The following ADGRG6 variants were observed in gnomAD, a reference collection of about 807,000 sequenced individuals.
ADGRG6 encodes adhesion G protein-coupled receptor G6.
In ADGRG6, 84 loss-of-function variants were observed where a neutral mutation model predicts 142.4. The observed-to-expected ratio is 0.59, with a 90% CI of 0.49 to 0.71. The LOEUF (loss-of-function observed/expected upper bound fraction) is 0.71. Among genes scored for constraint, ADGRG6 ranks in the 30% least tolerant of loss-of-function variants. The pLI is 0.00. For synonymous variants in ADGRG6, 521 were observed against 520.5 expected, an observed-to-expected ratio of 1.00 and a Z score of -0.01; for missense variants, 1,367 against 1,466.6, an observed-to-expected ratio of 0.93 and a Z score of 1.11.
chr6:142,350,857 T>C (rs1300579313), intron 2 of ADGRG6, among the ~76,000 whole-genome samples: 1 of 152,168 alleles, frequency 6.6e-6, no homozygotes, highest in Non-Finnish European at 1.5e-5. Context: ...ACCAACATCA[T>C]TTTTTCACAA....
intron 22 of ADGRG6, 99 bp from the exon 23 acceptor site, chr6:142,437,335 G>T (rs1329611368): frequency 1.6e-6 from 1 of 607,076 alleles, no homozygotes; most frequent in Admixed American, 2.8e-5. Context: ...TGCCTTTGAT[G>T]TAAAAAATTT....
At chr6:142,320,027 T>G (rs1183175112) in intron 2 of ADGRG6, among the ~76,000 whole-genome samples, 2 of 152,110 alleles carry the variant, frequency 1.3e-5, no homozygotes, top group Non-Finnish European at 2.9e-5. Flanking sequence ...ACCAGTTTGT[T>G]CACGTGGAGG....
chr6:142,313,278 A>G (rs2114535661), intron 2 of ADGRG6, among the ~76,000 whole-genome samples: 1 of 152,166 alleles, frequency 6.6e-6, no homozygotes, highest in South Asian at 2.1e-4. Context: ...TTCTTCACTT[A>G]ATAGGAATCT....
At chr6:142,432,282 A>T (rs2115168090) in intron 22 of ADGRG6, among the ~76,000 whole-genome samples, 1 of 152,240 alleles carries the variant, frequency 6.6e-6, no homozygotes, top group African/African-American at 2.4e-5. Context: ...GTCCTGGAGG[A>T]ATTTTGGTAT....
intron 3 of ADGRG6, 41 bp downstream of exon 3, chr6:142,367,951 T>A: frequency 8.9e-7 from 1 of 1,123,730 alleles, no homozygotes; most frequent in Non-Finnish European, 1.3e-6. Flanking sequence ...TGCTTTTATT[T>A]AACATGTTCT....
chr6:142,394,464 C>A (rs942101944), intron 9 of ADGRG6, among the ~76,000 whole-genome samples: 9 of 151,818 alleles, frequency 5.9e-5, no homozygotes, highest in African/African-American at 2.2e-4. Flanking sequence ...GACCAGTTGG[C>A]ATGTAAGGAC....
chr6:142,329,219 A>T (rs1778922357), intron 2 of ADGRG6, among the ~76,000 whole-genome samples: 1 of 152,190 alleles, frequency 6.6e-6, no homozygotes, highest in East Asian at 1.9e-4. Context: ...GGAAAGTAAT[A>T]TTTTAAGTTT....
intron 2 of ADGRG6, among the ~76,000 whole-genome samples, chr6:142,338,037 T>A (rs1779427043): frequency 8.2e-6 from 1 of 121,750 alleles, no homozygotes; most frequent in East Asian, 2.4e-4. Context: ...TTTTTTTTTT[T>A]TGAGACGGAG....
chr6:142,355,688 G>A (rs1780408583), intron 2 of ADGRG6, among the ~76,000 whole-genome samples: 1 of 151,926 alleles, frequency 6.6e-6, no homozygotes, highest in Non-Finnish European at 1.5e-5. Flanking sequence ...GAAACATGCT[G>A]CACTGTGTGC....
At chr6:142,437,886 T>C (rs1488201916) in intron 23 of ADGRG6, among the ~76,000 whole-genome samples, 3 of 129,024 alleles carry the variant, frequency 2.3e-5, no homozygotes, top group African/African-American at 1.2e-4. Flanking sequence ...GAGATTTTTC[T>C]CAGTATTAAA....
chr6:142,351,007 G>A (rs542147685), intron 2 of ADGRG6, among the ~76,000 whole-genome samples: 13 of 152,236 alleles, frequency 8.5e-5, no homozygotes, highest in African/African-American at 2.6e-4. Context: ...AGGCCAAGGC[G>A]GGTGGATCAC....
intron 21 of ADGRG6, among the ~76,000 whole-genome samples, chr6:142,418,230 G>A (rs1032110345): frequency 2.0e-5 from 3 of 150,682 alleles, no homozygotes; most frequent in South Asian, 2.1e-4. Flanking sequence ...TCTGGGAGGC[G>A]GAAGTTGCAG....
intron 2 of ADGRG6, among the ~76,000 whole-genome samples, chr6:142,350,119 G>A (rs1164589436): frequency 1.3e-5 from 2 of 152,036 alleles, no homozygotes; most frequent in East Asian, 1.9e-4. Flanking sequence ...TTTTTTCATC[G>A]ATAATGTAAC....
intron 6 of ADGRG6, among the ~76,000 whole-genome samples, chr6:142,388,402 G>A (rs1216827772): frequency 6.6e-6 from 1 of 152,014 alleles, no homozygotes; most frequent in African/African-American, 2.4e-5. Flanking sequence ...GCATGCTTTA[G>A]GTTTCCATCT....
At chr6:142,431,179 G>C (rs1197265417) in intron 22 of ADGRG6, among the ~76,000 whole-genome samples, 1 of 151,996 alleles carries the variant, frequency 6.6e-6, no homozygotes, top group Non-Finnish European at 1.5e-5. Flanking sequence ...TGGGATGAAA[G>C]TTTTGGGAGC....
chr6:142,357,424 A>G (rs1362090960), intron 2 of ADGRG6, among the ~76,000 whole-genome samples: 2 of 152,198 alleles, frequency 1.3e-5, no homozygotes, highest in Non-Finnish European at 2.9e-5. Context: ...TTAAAAAAAC[A>G]TTATTTAAAA....
chr6:142,333,243 G>C (rs1387433235), intron 2 of ADGRG6, among the ~76,000 whole-genome samples: 1 of 152,150 alleles, frequency 6.6e-6, no homozygotes, highest in East Asian at 1.9e-4. Flanking sequence ...GGGACAGAAT[G>C]GGAGACCCAG....
chr6:142,393,657 AT>A (rs147235111), intron 8 of ADGRG6, among the ~76,000 whole-genome samples: 10 of 152,152 alleles, frequency 6.6e-5, no homozygotes, highest in African/African-American at 2.4e-4. Flanking sequence ...ACTGAAGCAG[AT>A]TTTTTTATCA....
chr6:142,327,225 A>G (rs983627220), intron 2 of ADGRG6, among the ~76,000 whole-genome samples: 9 of 152,032 alleles, frequency 5.9e-5, no homozygotes, highest in African/African-American at 1.9e-4. Context: ...TGAACCATAG[A>G]TTTAACTTAA....
Sources: allele counts gnomAD v4.1 joint callset (sites outside exome capture counted in the v4.1 genomes callset), GRCh38; gene constraint gnomAD v4.1.1; transcripts MANE v1.5; gene names NCBI Gene and HGNC (gene_info 2026-07-23, HGNC 2026-07-21).